Variants in CACNA1S observed in about 807,000 individuals in gnomAD.
CACNA1S encodes calcium voltage-gated channel subunit alpha1 S.
In CACNA1S, 126 loss-of-function variants were observed where a neutral mutation model predicts 207.4. The observed-to-expected ratio is 0.61, with a 90% CI of 0.53 to 0.70. The LOEUF (loss-of-function observed/expected upper bound fraction) is 0.70. Ranked by LOEUF, CACNA1S falls within the 30% of genes least tolerant of loss-of-function variation. The pLI is 0.00. For synonymous variants in CACNA1S, 960 were observed against 932.7 expected (o/e 1.03, Z -0.53); for missense variants, 2,349 against 2,422.8 (o/e 0.97, Z 0.64).
At chr1:201,040,433 C>A in intron 42 of CACNA1S, 59 bp from the exon 43 acceptor site, 1 of 1,599,226 alleles carries the variant, frequency 6.3e-7, no homozygotes, top group Non-Finnish European at 8.5e-7. Flanking sequence ...CACCAATGAG[C>A]AAAATTCCAG....
chr1:201,103,256 A>AAAAAT (rs1164138696), intron 2 of CACNA1S, among the ~76,000 whole-genome samples: 16 of 151,874 alleles, frequency 1.1e-4, no homozygotes, highest in Non-Finnish European at 2.9e-5. Flanking sequence ...AAAAAAAAAA[A>AAAAAT]AAAAGAAAGA....
Position 201,092,006 on chromosome 1 carries a change from C to T in CACNA1S, c.507G>A (p.Val169=). 5.0e-6 allele frequency: 8 copies of T among 1,614,134 alleles called. No homozygotes were observed. Among genetic ancestry groups the T allele is most frequent in the Non-Finnish European group, 6.8e-6 (8 of 1,180,022 alleles). ...CCGACACCAGCCGGAGGGGTCTGAG[C>T]ACTCGGAAGGCTCTGAGGGCCTTGA... ...LDVKALRAFR[V]LRPLRLVSGV... is the part of the protein sequence containing the mutation. The change falls in exon 4 of 44, where the codon GTG becomes GTA. Residue 169 remains valine, a synonymous_variant. Coordinates refer to ENST00000362061, the MANE Select transcript of CACNA1S (RefSeq NM_000069.3).
Position 201,068,278 on chromosome 1 carries a change from C to CT in CACNA1S, c.2550+858_2550+859insA, listed in dbSNP as rs369793339. On this transcript the variant is annotated intron_variant, in intron 19 of 43. Coordinates refer to ENST00000362061, the MANE Select transcript of CACNA1S (RefSeq NM_000069.3). ...TTTTTTTTTGAGATGGAGTCTCTCT[C>CT]GTCACCCAGGCTGGAGTGCAGTGGC... is the stretch of plus-strand genomic sequence containing the variant. Among the ~76,000 whole-genome samples, 3 of 116,524 alleles carry CT rather than the reference C, an allele frequency of 2.6e-5. No homozygotes were observed. The Admixed American group carries it at 3.3e-4, about 13-fold the overall frequency. 76.4% of individuals were successfully genotyped at this position (116,524 alleles called of 152,430 possible).
At chr1:201,089,550 A>C in intron 5 of CACNA1S, 87 bp from the exon 6 acceptor site, 1 of 1,308,834 alleles carries the variant, frequency 7.6e-7, no homozygotes, top group Non-Finnish European at 1.1e-6. Context: ...AATTTAAGAG[A>C]ATTGAGCAGT....
Position 201,062,504 on chromosome 1 carries a change from A to G in CACNA1S, c.2864T>C (p.Phe955Ser), listed in dbSNP as rs1661089298. 2 of 1,613,742 alleles carry G rather than the reference A, an allele frequency of 1.2e-6. No homozygotes were observed. Among genetic ancestry groups the G allele is most frequent in the Admixed American group, 1.7e-5 (1 of 60,000 alleles). Residue 955 changes from phenylalanine to serine, a missense_variant, in exon 23 of 44, where the codon TTC (phenylalanine) becomes TCC (serine). Transcript: ENST00000362061. The stretch of plus-strand genomic sequence containing the variant: ...CATCTTGGACAAGTCGGTGCACCTG[A>G]AGAACTTCCCCTGCAGCCAGGAAGA... ...IGVQLFKGKF[F>S]RCTDLSKMTE...
chr1:201,062,635 G>T (rs953733280), intron 22 of CACNA1S, 121 bp from the exon 23 acceptor site: 2 of 851,550 alleles, frequency 2.3e-6, no homozygotes, highest in African/African-American at 1.7e-5. Context: ...GAAAAAAGGA[G>T]CCCAAGCCCA....
chr1:201,073,089 C>T (rs1473134822), intron 15 of CACNA1S, among the ~76,000 whole-genome samples: 3 of 152,224 alleles, frequency 2.0e-5, no homozygotes, highest in Non-Finnish European at 4.4e-5. Context: ...CTGCTTGGTT[C>T]TCCAGAAGGG....
chr1:201,064,362 G>A (rs1189766295), intron 22 of CACNA1S, among the ~76,000 whole-genome samples: 3 of 152,162 alleles, frequency 2.0e-5, no homozygotes, highest in South Asian at 2.1e-4. Context: ...CATCCCTCCC[G>A]TCCCTCCAGG....
intron 2 of CACNA1S, among the ~76,000 whole-genome samples, chr1:201,106,476 G>T (rs895719626): frequency 6.6e-6 from 1 of 152,110 alleles, no homozygotes; most frequent in Admixed American, 6.5e-5. Context: ...TCTACAATGC[G>T]CTCCTTCACA....
chr1:201,039,852 GGTCTCC>G lies in CACNA1S; in HGVS notation c.5595_5600del (p.Gln1865_Thr1867delinsHis), dbSNP rs1179389281. 6 of 1,607,336 alleles carry G rather than the reference GGTCTCC, an allele frequency of 3.7e-6. No homozygotes were observed. Among genetic ancestry groups the G allele is most frequent in the Non-Finnish European group, 4.2e-6 (5 of 1,180,012 alleles). On this transcript the variant is annotated inframe_deletion, in exon 44 of 44. Coordinates refer to ENST00000362061, the MANE Select transcript of CACNA1S (RefSeq NM_000069.3). Reference sequence around the variant, plus strand: ...GGCATCACAGCCTTGGAGGAATAAGGGTCTCCTGGGAGCCCTGGTGTTGGTCGAGGC... The same window carrying G: ...GGCATCACAGCCTTGGAGGAATAAGGTGGGAGCCCTGGTGTTGGTCGAGGC...
Position 201,048,535 on chromosome 1 carries a change from C to A in CACNA1S, c.4441+47G>T, listed in dbSNP as rs760795587. On this transcript the variant is annotated intron_variant, in intron 36 of 43. Coordinates refer to ENST00000362061, the MANE Select transcript of CACNA1S (RefSeq NM_000069.3). ...AATCTGGCAGAATCTGTGCCAGAAA[C>A]AGCCTCTGGGAGAAAGGAGGGGGCT... 6.2e-6 allele frequency: 9 copies of A among 1,442,382 alleles called. No homozygotes were observed. In the South Asian group the frequency reaches 8.0e-5, roughly 13 times the overall value. The allele number at this position is 1,442,382 out of a possible 1,614,324, so 89.3% of individuals were successfully genotyped here.
intron 22 of CACNA1S, among the ~76,000 whole-genome samples, chr1:201,064,053 G>A (rs1383667663): frequency 6.6e-6 from 1 of 152,224 alleles, no homozygotes; most frequent in Non-Finnish European, 1.5e-5. Flanking sequence ...CATGGCGAGA[G>A]TTGGGTGTTG....
Position 201,069,611 on chromosome 1 carries a change from C to T in CACNA1S, c.2361-10G>A, listed in dbSNP as rs533238983. 5.2e-5 allele frequency: 81 copies of T among 1,551,508 alleles called. No individual in the cohort carries two copies. The highest frequency in any genetic ancestry group is 6.8e-5 in the African/African-American group (5 of 73,260). ...ACACAGGACACGGATCCTGGTGGGG[C>T]GAGGTAGGGAGGGCAGGGGAGCTGT... is the stretch of plus-strand genomic sequence containing the variant. On this transcript the variant is annotated splice_polypyrimidine_tract_variant and intron_variant, in intron 17 of 43. Transcript: ENST00000362061.
At chr1:201,041,133 GC>G (rs1185052206) in intron 41 of CACNA1S, among the ~76,000 whole-genome samples, 2 of 152,200 alleles carry the variant, frequency 1.3e-5, no homozygotes, top group Non-Finnish European at 2.9e-5. Flanking sequence ...TTGCAGAAGG[GC>G]CCCAGAGTCA....
In CACNA1S at chr1:201,041,557, G is replaced by T; in HGVS notation, c.5081C>A (p.Thr1694Lys). Residue 1694 changes from threonine to lysine, a missense_variant, in exon 41 of 44, where the codon ACA becomes AAA. Thr to Lys is a moderately conservative substitution (Grantham distance 78). Transcript: ENST00000362061. ...VHYEREFPEE[T>K]ETPATRGRAL... ...TCGTCCTCTGGTAGCAGGCGTCTCT[G>T]TCTCTTCTGGGAACTCCCTTTCATA... 1 of 1,614,120 alleles carries T rather than the reference G, an allele frequency of 6.2e-7. No individual in the cohort carries two copies. Among genetic ancestry groups the T allele is most frequent in the South Asian group, 1.1e-5 (1 of 91,074 alleles).
chr1:201,081,791 T>C (rs1353632900), intron 10 of CACNA1S, among the ~76,000 whole-genome samples: 5 of 152,154 alleles, frequency 3.3e-5, no homozygotes, highest in Non-Finnish European at 5.9e-5. Flanking sequence ...TCACTCTGAG[T>C]TCACCACAAA....
intron 38 of CACNA1S, among the ~76,000 whole-genome samples, chr1:201,044,860 C>T (rs1334761494): frequency 1.3e-5 from 2 of 152,164 alleles, no homozygotes; most frequent in African/African-American, 2.4e-5. Flanking sequence ...CAGGGCTCTC[C>T]CAAAGCCCCA....
At chr1:201,048,938 G>T in intron 35 of CACNA1S, 65 bp downstream of exon 35, 1 of 1,306,884 alleles carries the variant, frequency 7.7e-7, no homozygotes, top group Non-Finnish European at 1.1e-6. Context: ...GTCCTCACCA[G>T]TTTCCCTCTG....
At chr1:201,101,716 G>A (rs1269014205) in intron 2 of CACNA1S, among the ~76,000 whole-genome samples, 1 of 152,356 alleles carries the variant, frequency 6.6e-6, no homozygotes, top group East Asian at 1.9e-4. Context: ...AGGGGGATCT[G>A]GGCAGGCTGC....
Sources: gnomAD v4.1 joint callset for allele counts (sites outside exome capture counted in the v4.1 genomes callset) on GRCh38, gnomAD v4.1.1 for gene constraint, MANE v1.5 for transcripts, NCBI Gene and HGNC (gene_info 2026-07-23, HGNC 2026-07-21) for gene names.